DGKB: variants seen among roughly 807,000 people sequenced by gnomAD.
DGKB encodes the protein 90 kDa diacylglycerol kinase.
DGKB carries 67 observed loss-of-function variants against 114.3 expected under a neutral mutation model. The observed-to-expected ratio is 0.59, with a 90% CI of 0.48 to 0.72. The LOEUF (loss-of-function observed/expected upper bound fraction) is 0.72. Among genes scored for constraint, DGKB ranks in the 30% least tolerant of loss-of-function variants. The pLI is 0.00. For missense variants in DGKB, 907 were observed against 975.2 expected (o/e 0.93, Z 0.93); for synonymous variants, 398 against 323.1 (o/e 1.23, Z -2.49).
chr7:14,405,116 A>AC (rs2128733372), intron 21 of DGKB, among the ~76,000 whole-genome samples: 1 of 6,898 alleles, frequency 1.4e-4, no homozygotes, highest in East Asian at 1.0e-3. Flanking sequence ...CACATTTCAA[A>AC]TTATTCTGCC....
chr7:14,768,751 T>G lies in DGKB; in HGVS notation c.71-11020A>C, dbSNP rs189128177. On this transcript the variant is annotated intron_variant, in intron 2 of 25. Transcript: ENST00000402815. ...TTTAAAAAATTTAGGGGAGGAGAAC[T>G]GACTGGAATCAAAACACTGCAAGTA... Among the ~76,000 whole-genome samples the G allele has an allele frequency of 4.4e-3, 669 of 152,116 alleles. 7 individuals are homozygous for G. The highest frequency in any genetic ancestry group is 0.015 in the African/African-American group (626 of 41,516).
intron 13 of DGKB, among the ~76,000 whole-genome samples, chr7:14,663,272 A>C (rs1817475787): frequency 6.6e-6 from 1 of 151,970 alleles, no homozygotes; most frequent in Admixed American, 6.6e-5. Context: ...TTATCTCCTG[A>C]TACTTAACAT....
chr7:14,487,583 C>CTT lies in DGKB; in HGVS notation c.1771-9360_1771-9359dup, dbSNP rs11433526. ...AAAGTCAAAGTTCTTAAGAAAATTC[C>CTT]TTTTTTTTTTTTTTTTTTGGAGACA... On this transcript the variant is annotated intron_variant, in intron 20 of 25. Transcript: ENST00000402815. Among the ~76,000 whole-genome samples the CTT allele has an allele frequency of 4.4e-3, 560 of 125,856 alleles. 8 individuals are homozygous for CTT. Among genetic ancestry groups the CTT allele is most frequent in the East Asian group, 0.012 (53 of 4,318 alleles). 82.6% of individuals were successfully genotyped at this position (125,856 alleles called of 152,430 possible).
chr7:14,712,552 T>A (rs1015820021), intron 6 of DGKB, among the ~76,000 whole-genome samples: 1 of 152,024 alleles, frequency 6.6e-6, no homozygotes, highest in Non-Finnish European at 1.5e-5. Flanking sequence ...ATGCCTGTAA[T>A]CCCAGCTACT....
intron 1 of DGKB, among the ~76,000 whole-genome samples, chr7:14,919,916 C>A (rs1194939089): frequency 6.6e-6 from 1 of 152,132 alleles, no homozygotes; most frequent in Non-Finnish European, 1.5e-5. Flanking sequence ...TTTCCTGAGG[C>A]CCTCGCCAGA....
intron 2 of DGKB, among the ~76,000 whole-genome samples, chr7:14,784,604 T>C (rs536688048): frequency 5.3e-5 from 8 of 152,236 alleles, no homozygotes; most frequent in South Asian, 2.1e-4. Context: ...CTCGACCTCC[T>C]GGCCTCAAGC....
chr7:14,296,242 G>T lies in DGKB; in HGVS notation c.2122+42273C>A, dbSNP rs549613552. Among the ~76,000 whole-genome samples the T allele has an allele frequency of 9.5e-4, 145 of 152,122 alleles. 1 individual carries two copies. Among genetic ancestry groups the T allele is most frequent in the African/African-American group, 3.3e-3 (139 of 41,518 alleles). ...AGACGGGGTTTCACCATGTTGGCCA[G>T]GATGGTCTCAATCTCCTGACCTTGT... On this transcript the variant is annotated intron_variant, in intron 23 of 25. Transcript: ENST00000402815.
Position 14,465,794 on chromosome 7 carries a change from CG to C in DGKB, c.1835+12366del, listed in dbSNP as rs1780376178. ...AATTGAGGAGACCCAAGCATGACTCCGCAATAACATCCCCTGCTTATTAGCG... is the reference window on the plus strand; with the variant it reads ...AATTGAGGAGACCCAAGCATGACTCCCAATAACATCCCCTGCTTATTAGCG... On this transcript the variant is annotated intron_variant, in intron 21 of 25. Transcript: ENST00000402815. Among the ~76,000 whole-genome samples the C allele has an allele frequency of 2.0e-5, 3 of 152,212 alleles. No individual in the cohort carries two copies. The South Asian group carries it at 6.2e-4, about 32-fold the overall frequency.
chr7:14,808,778 A>G lies in DGKB; in HGVS notation c.70+32416T>C, dbSNP rs1340174106. Reference sequence around the variant, plus strand: ...CTTGATGAAACAGTGGAATGAACACACTAGGGTATAGGTACTCCAAGTCCT... The same window carrying G: ...CTTGATGAAACAGTGGAATGAACACGCTAGGGTATAGGTACTCCAAGTCCT... On this transcript the variant is annotated intron_variant, in intron 2 of 25. Transcript: ENST00000402815. Among the ~76,000 whole-genome samples the G allele has an allele frequency of 3.3e-5, 5 of 152,258 alleles. 1 individual carries two copies. The highest frequency in any genetic ancestry group is 6.8e-3 in the Middle Eastern group (2 of 294).
At chr7:14,278,822 CA>C (rs1473494607) in intron 23 of DGKB, among the ~76,000 whole-genome samples, 10 of 152,056 alleles carry the variant, frequency 6.6e-5, no homozygotes, top group Non-Finnish European at 1.3e-4. Flanking sequence ...ATAAATAACC[CA>C]ATTAACAGTG....
chr7:14,954,757 A>C (rs933991296), intron 1 of DGKB, among the ~76,000 whole-genome samples: 5 of 152,116 alleles, frequency 3.3e-5, no homozygotes, highest in Non-Finnish European at 7.4e-5. Flanking sequence ...GTGATAAAAT[A>C]TATAAAATTG....
intron 20 of DGKB, among the ~76,000 whole-genome samples, chr7:14,524,129 ATGTT>A (rs1790241664): frequency 6.6e-6 from 1 of 152,132 alleles, no homozygotes; most frequent in African/African-American, 2.4e-5. Context: ...TCATTGTCTA[ATGTT>A]TGTATTTTAT....
intron 23 of DGKB, among the ~76,000 whole-genome samples, chr7:14,229,553 T>C (rs1178927286): frequency 6.6e-6 from 1 of 152,020 alleles, no homozygotes; most frequent in African/African-American, 2.4e-5. Context: ...GATATGGATA[T>C]ATATGAACAC....
intron 21 of DGKB, among the ~76,000 whole-genome samples, chr7:14,370,199 A>G (rs1382956598): frequency 6.6e-6 from 1 of 152,232 alleles, no homozygotes; most frequent in East Asian, 1.9e-4. Flanking sequence ...TATATTAAAT[A>G]GGGAATCCTT....
In DGKB at chr7:14,953,596, G is replaced by A. The variant is rs571383349; in HGVS notation, c.-188+21100C>T. ...ATTAGAAAACTCATACACTGCTGAT[G>A]GGAACATGTAACAGTGCAGCCACAC... On this transcript the variant is annotated intron_variant, in intron 1 of 4. Coordinates refer to the DGKB transcript ENST00000437998. 2.6e-5 allele frequency among the ~76,000 whole-genome samples: 4 copies of A among 152,206 alleles called. No homozygotes were observed. The East Asian group carries it at 7.8e-4, about 30-fold the overall frequency.
At chr7:14,803,089 CT>C (rs889298167) in intron 2 of DGKB, among the ~76,000 whole-genome samples, 116 of 146,474 alleles carry the variant, frequency 7.9e-4, no homozygotes, top group East Asian at 8.0e-4. Context: ...TTTGCACAAA[CT>C]TTTTTTTTTT....
At chr7:14,705,516 G>C (rs1039807360) in intron 6 of DGKB, among the ~76,000 whole-genome samples, 2 of 151,432 alleles carry the variant, frequency 1.3e-5, no homozygotes, top group Admixed American at 1.3e-4. Flanking sequence ...ATAATTGTCA[G>C]ATTCACCAAA....
Position 14,696,788 on chromosome 7 carries a change from C to T in DGKB, c.591+1307G>A, listed in dbSNP as rs371125074. On this transcript the variant is annotated intron_variant, in intron 8 of 25. Coordinates refer to ENST00000402815, the MANE Select transcript of DGKB (RefSeq NM_001350709.2). ...CATACAAATGACAACCTGTTAATGA[C>T]ATCTGCCACTCACTAGAAGCACAGC... 3.3e-4 allele frequency among the ~76,000 whole-genome samples: 51 copies of T among 152,304 alleles called. 1 individual carries two copies. In the South Asian group the frequency reaches 0.01, roughly 31 times the overall value.
chr7:14,629,640 A>G (rs1009591433), intron 14 of DGKB, among the ~76,000 whole-genome samples: 4 of 152,112 alleles, frequency 2.6e-5, no homozygotes, highest in African/African-American at 7.2e-5. Context: ...TGCATCATCA[A>G]TGCAAAGGTA....
Sources: allele counts gnomAD v4.1 joint callset (sites outside exome capture counted in the v4.1 genomes callset), GRCh38; gene constraint gnomAD v4.1.1; transcripts MANE v1.5; gene names NCBI Gene and HGNC (gene_info 2026-07-23, HGNC 2026-07-21).